The following LRRC4C variants were observed in gnomAD, a reference collection of about 807,000 sequenced individuals.
LRRC4C encodes leucine-rich repeat-containing protein 4C.
LRRC4C carries 5 observed loss-of-function variants against 33.6 expected under a neutral mutation model. That is an observed-to-expected ratio of 0.15 (90% confidence interval 0.08 to 0.31). The LOEUF is 0.31. LRRC4C is among the 10% of genes least tolerant of loss of function. The pLI is 1.00. For synonymous variants in LRRC4C, 329 were observed against 302.0 expected (o/e 1.09, Z -0.93); for missense variants, 560 against 796.7 (o/e 0.70, Z 3.58).
intron 2 of LRRC4C, among the ~76,000 whole-genome samples, chr11:40,675,661 C>T (rs1944361850): frequency 6.6e-6 from 1 of 152,192 alleles, no homozygotes; most frequent in South Asian, 2.1e-4. Flanking sequence ...ACTTTATCTT[C>T]AATACCAAGT....
intron 4 of LRRC4C, among the ~76,000 whole-genome samples, chr11:40,317,985 AT>A (rs1357879130): frequency 6.6e-6 from 1 of 152,104 alleles, no homozygotes; most frequent in African/African-American, 2.4e-5. Context: ...AAGCTTACAT[AT>A]TAGCTTCCAG....
rs187403833 is a variant in LRRC4C, at chr11:40,346,002, C to T, written c.-269-26281G>A. ...TGAAAATCAAAAACACAATAAGACA[C>T]CATCTCACACCAGTCAGAATGGCTG... On this transcript the variant is annotated intron_variant, in intron 3 of 6. Transcript: ENST00000528697. 3.4e-3 allele frequency among the ~76,000 whole-genome samples: 510 copies of T among 152,192 alleles called. 1 individual carries two copies. Among genetic ancestry groups the T allele is most frequent in the African/African-American group, 0.012 (487 of 41,528 alleles).
chr11:41,196,413 A>G (rs1375259119), intron 1 of LRRC4C, among the ~76,000 whole-genome samples: 1 of 152,104 alleles, frequency 6.6e-6, no homozygotes, highest in Non-Finnish European at 1.5e-5. Context: ...TGTGATGACA[A>G]GAACTTAAAT....
At chr11:40,156,432 C>A (rs1858695314) in intron 5 of LRRC4C, among the ~76,000 whole-genome samples, 1 of 152,048 alleles carries the variant, frequency 6.6e-6, no homozygotes, top group African/African-American at 2.4e-5. Context: ...AAGATATGAT[C>A]ATTTACCTTG....
chr11:40,256,076 T>G (rs368986829), intron 4 of LRRC4C, among the ~76,000 whole-genome samples: 1 of 152,204 alleles, frequency 6.6e-6, no homozygotes, highest in East Asian at 1.9e-4. Flanking sequence ...ACCTTTTTAG[T>G]TGTCTTGGAT....
At chr11:40,945,801 A>T (rs11036154) in intron 1 of LRRC4C, among the ~76,000 whole-genome samples, 45,053 of 151,992 alleles carry the variant, frequency 0.3, 6,806 homozygotes, top group East Asian at 0.35. Flanking sequence ...AGTACAAACC[A>T]CACCATCAGA....
chr11:40,919,258 T>C (rs1957080389), intron 2 of LRRC4C, among the ~76,000 whole-genome samples: 1 of 152,104 alleles, frequency 6.6e-6, no homozygotes, highest in Non-Finnish European at 1.5e-5. Context: ...GTGTAGGGTC[T>C]TATAGATCCA....
intron 1 of LRRC4C, among the ~76,000 whole-genome samples, chr11:41,121,143 C>A (rs903440411): frequency 2.0e-5 from 3 of 152,130 alleles, no homozygotes; most frequent in African/African-American, 7.2e-5. Flanking sequence ...TTCTTTTAAC[C>A]ATGATTTCCT....
At chr11:40,248,141 C>G (rs964367059) in intron 4 of LRRC4C, among the ~76,000 whole-genome samples, 1 of 152,082 alleles carries the variant, frequency 6.6e-6, no homozygotes, top group African/African-American at 2.4e-5. Context: ...GCCTTTTCAT[C>G]CTTCCCTGGC....
intron 1 of LRRC4C, among the ~76,000 whole-genome samples, chr11:41,432,590 G>GAAAATAGTAGA (rs1289786244): frequency 5.9e-5 from 9 of 152,004 alleles, no homozygotes; most frequent in African/African-American, 2.2e-4. Flanking sequence ...TCAAAGTGGA[G>GAAAATAGTAGA]AAAATAGTAG....
intron 1 of LRRC4C, among the ~76,000 whole-genome samples, chr11:41,131,138 A>G (rs1419567673): frequency 1.3e-5 from 2 of 152,084 alleles, no homozygotes; most frequent in East Asian, 1.9e-4. Context: ...TTAGTATGTC[A>G]TAAGCATCAG....
intron 2 of LRRC4C, among the ~76,000 whole-genome samples, chr11:40,750,120 G>A (rs1429778758): frequency 6.6e-6 from 1 of 152,068 alleles, no homozygotes; most frequent in Non-Finnish European, 1.5e-5. Context: ...TATTTGGGAG[G>A]CTGAGGCAGG....
chr11:41,297,851 C>G (rs940624741), intron 1 of LRRC4C, among the ~76,000 whole-genome samples: 9 of 152,044 alleles, frequency 5.9e-5, no homozygotes, highest in African/African-American at 2.2e-4. Flanking sequence ...ATCTGGTATT[C>G]AGAAATAACA....
intron 1 of LRRC4C, among the ~76,000 whole-genome samples, chr11:41,023,571 A>C (rs1856129491): frequency 6.6e-6 from 1 of 151,836 alleles, no homozygotes; most frequent in Non-Finnish European, 1.5e-5. Context: ...GCAGCTCCAG[A>C]ATTTCTAGGC....
At chr11:40,173,511 A>G (rs995551245) in intron 5 of LRRC4C, among the ~76,000 whole-genome samples, 1 of 152,162 alleles carries the variant, frequency 6.6e-6, no homozygotes, top group Admixed American at 6.5e-5. Flanking sequence ...AATACCTCCA[A>G]CTATTGCCCT....
At chr11:40,926,247 C>T (rs1432384303) in intron 2 of LRRC4C, among the ~76,000 whole-genome samples, 1 of 152,182 alleles carries the variant, frequency 6.6e-6, no homozygotes, top group Non-Finnish European at 1.5e-5. Context: ...TTCTTTCCTT[C>T]TGTCCTGTGA....
At chr11:40,722,049 T>C (rs1947045563) in intron 2 of LRRC4C, among the ~76,000 whole-genome samples, 1 of 152,224 alleles carries the variant, frequency 6.6e-6, no homozygotes, top group African/African-American at 2.4e-5. Context: ...GGTTAGATTA[T>C]GTGTTGTATT....
intron 2 of LRRC4C, among the ~76,000 whole-genome samples, chr11:40,731,606 T>G (rs1178634404): frequency 6.6e-6 from 1 of 152,160 alleles, no homozygotes; most frequent in Non-Finnish European, 1.5e-5. Context: ...TATTCTTTCT[T>G]TACCCCTTCA....
At chr11:40,277,659 T>A (rs1464118438) in intron 4 of LRRC4C, among the ~76,000 whole-genome samples, 1 of 152,116 alleles carries the variant, frequency 6.6e-6, no homozygotes, top group African/African-American at 2.4e-5. Context: ...GGGTTCAAAG[T>A]AGAGTTTTGC....
Sources: gnomAD v4.1 joint callset for allele counts (sites outside exome capture counted in the v4.1 genomes callset) on GRCh38, gnomAD v4.1.1 for gene constraint, MANE v1.5 for transcripts, NCBI Gene and HGNC (gene_info 2026-07-23, HGNC 2026-07-21) for gene names.